Variants in PRKCQ observed in about 807,000 individuals in gnomAD.
The protein encoded by PRKCQ is protein kinase C theta.
PRKCQ carries 41 observed loss-of-function variants against 91.2 expected under a neutral mutation model. The ratio of observed to expected loss-of-function variants is 0.45; its 90% confidence interval spans 0.35 to 0.58. The LOEUF (loss-of-function observed/expected upper bound fraction) is 0.58, where lower values mean the gene tolerates loss of function less well. Among genes scored for constraint, PRKCQ ranks in the 20% least tolerant of loss-of-function variants. PRKCQ has a pLI of 0.00. For missense variants in PRKCQ, 673 were observed against 896.5 expected (o/e 0.75, Z 3.18); for synonymous variants, 307 against 316.9 (o/e 0.97, Z 0.33).
At chr10:6,434,085 C>T (rs956302194) in intron 16 of PRKCQ, among the ~76,000 whole-genome samples, 3 of 150,984 alleles carry the variant, frequency 2.0e-5, no homozygotes, top group Non-Finnish European at 4.4e-5. Context: ...CCCTATATCC[C>T]TTCTCCTGAA....
chr10:6,400,217 T>A, the PRKCQ span, among the ~76,000 whole-genome samples: 1 of 152,350 alleles, frequency 6.6e-6, no homozygotes, highest in South Asian at 2.1e-4. Flanking sequence ...CCTTCTTTCA[T>A]CTGTAGCCCC....
chr10:6,403,137 C>T, the PRKCQ span, among the ~76,000 whole-genome samples: 3 of 152,176 alleles, frequency 2.0e-5, no homozygotes, highest in Non-Finnish European at 2.9e-5. Flanking sequence ...GGCATAGCAC[C>T]GGGCACTGGC....
In PRKCQ at chr10:6,483,545, A is replaced by T. The variant is rs776094307; in HGVS notation, c.1074T>A (p.His358Gln). The change falls in exon 11 of 18, where the codon CAT becomes CAA. Residue 358 changes from histidine to glutamine, a missense_variant. Coordinates refer to ENST00000263125, the MANE Select transcript of PRKCQ (RefSeq NM_006257.5). ...SPLDEVDKMC[H>Q]LPEPELNKER... ...CTTTGTTCAGTTCAGGTTCTGGAAG[A>T]TGGCACATTTTATCCACCTCATCCA... is the stretch of plus-strand genomic sequence containing the variant. The T allele has an allele frequency of 1.7e-5, 28 of 1,614,120 alleles. No individual in the cohort carries two copies. In the East Asian group the frequency reaches 3.8e-4, roughly 22 times the overall value.
the PRKCQ span, among the ~76,000 whole-genome samples, chr10:6,403,498 C>T: frequency 9.9e-5 from 15 of 152,174 alleles, no homozygotes; most frequent in East Asian, 7.7e-4. Flanking sequence ...GTCCCTGAAC[C>T]GTGAGTTCCC....
At chr10:6,474,988 A>T (rs1836196227) in intron 12 of PRKCQ, among the ~76,000 whole-genome samples, 1 of 152,174 alleles carries the variant, frequency 6.6e-6, no homozygotes, top group Non-Finnish European at 1.5e-5. Flanking sequence ...AATGTTAGAA[A>T]AAAAGTAAAA....
chr10:6,548,757 TA>T (rs1255951130), intron 1 of PRKCQ, among the ~76,000 whole-genome samples: 1 of 134,562 alleles, frequency 7.4e-6, no homozygotes, highest in Admixed American at 7.4e-5. Context: ...GGGGGAGGGA[TA>T]GCTTTAGGAG....
intron 15 of PRKCQ, among the ~76,000 whole-genome samples, chr10:6,448,478 G>A (rs549330501): frequency 2.6e-5 from 4 of 151,834 alleles, no homozygotes; most frequent in Admixed American, 6.6e-5. Context: ...GCACGATCTC[G>A]GCTCACTGCA....
intron 8 of PRKCQ, among the ~76,000 whole-genome samples, chr10:6,487,733 C>T (rs1017205326): frequency 2.6e-5 from 4 of 152,092 alleles, no homozygotes; most frequent in African/African-American, 9.7e-5. Flanking sequence ...CGTGGTGGCT[C>T]ACACCTGTAA....
chr10:6,538,707 C>A (rs1839672445), intron 1 of PRKCQ, among the ~76,000 whole-genome samples: 3 of 152,220 alleles, frequency 2.0e-5, no homozygotes, highest in Admixed American at 2.0e-4. Context: ...TGGAATAAGA[C>A]TGATTTTCCT....
chr10:6,557,248 G>C (rs146803020), intron 1 of PRKCQ, among the ~76,000 whole-genome samples: 1 of 152,102 alleles, frequency 6.6e-6, no homozygotes, highest in African/African-American at 2.4e-5. Context: ...AGCACTCTGT[G>C]GATCTATCTT....
At chr10:6,394,420 AG>A in the PRKCQ span, among the ~76,000 whole-genome samples, 1 of 152,224 alleles carries the variant, frequency 6.6e-6, no homozygotes, top group African/African-American at 2.4e-5. Flanking sequence ...CTGGAGTAGA[AG>A]GGGGAAGAAT....
At chr10:6,395,984 T>A in the PRKCQ span, among the ~76,000 whole-genome samples, 7 of 152,124 alleles carry the variant, frequency 4.6e-5, no homozygotes, top group Admixed American at 2.6e-4. Context: ...CAGGAAGACT[T>A]AATGGAATCC....
At chr10:6,467,423 G>A (rs576125834) in intron 12 of PRKCQ, among the ~76,000 whole-genome samples, 2 of 122,838 alleles carry the variant, frequency 1.6e-5, no homozygotes, top group African/African-American at 5.6e-5. Flanking sequence ...GAGAGAGAGA[G>A]AGAGAGAGAT....
At chr10:6,515,637 G>A (rs1450888799) in intron 1 of PRKCQ, 6 of 454,062 alleles carry the variant, frequency 1.3e-5, no homozygotes, top group African/African-American at 2.1e-5. Flanking sequence ...AAGGCATTCG[G>A]CAGCTGATCC....
At chr10:6,461,501 A>T (rs1360432199) in intron 14 of PRKCQ, among the ~76,000 whole-genome samples, 1 of 152,260 alleles carries the variant, frequency 6.6e-6, no homozygotes, top group Non-Finnish European at 1.5e-5. Flanking sequence ...ACCAAAAAAA[A>T]TTACATTCAA....
chr10:6,432,744 A>C (rs1412166381), intron 16 of PRKCQ, among the ~76,000 whole-genome samples: 1 of 152,088 alleles, frequency 6.6e-6, no homozygotes, highest in Non-Finnish European at 1.5e-5. Flanking sequence ...GGCTCTCTGG[A>C]GTCTGACGCT....
intron 4 of PRKCQ, among the ~76,000 whole-genome samples, chr10:6,505,361 T>C (rs550685447): frequency 4.6e-5 from 7 of 152,294 alleles, no homozygotes; most frequent in South Asian, 2.1e-4. Context: ...CTTAAAATCA[T>C]TTACCAAAAA....
chr10:6,497,079 T>C lies in PRKCQ; in HGVS notation c.616A>G (p.Ile206Val). The C allele has an allele frequency of 1.9e-6, 3 of 1,613,716 alleles. No individual in the cohort carries two copies. The highest frequency in any genetic ancestry group is 2.5e-6 in the Non-Finnish European group (3 of 1,180,028). Reference protein sequence around the residue: ...AIHKKCIDKVIAKCTGSAINS... With the variant: ...AIHKKCIDKVVAKCTGSAINS... The stretch of plus-strand genomic sequence containing the variant: ...ATAGCTGATCCTGTGCACTTTGCTA[T>C]AACTTTATCAATACACTTCTTGTGA... Residue 206 changes from isoleucine to valine, a missense_variant, in exon 7 of 18, where the codon ATA (isoleucine) becomes GTA (valine). Coordinates refer to ENST00000263125, the MANE Select transcript of PRKCQ (RefSeq NM_006257.5). The surrounding 1 kb of genome is among the most constrained non-coding windows in gnomAD (Gnocchi z 4.5).
At chr10:6,458,299 C>G (rs985913310) in intron 14 of PRKCQ, among the ~76,000 whole-genome samples, 2 of 152,172 alleles carry the variant, frequency 1.3e-5, no homozygotes, top group African/African-American at 4.8e-5. Flanking sequence ...GCCAGCCCCC[C>G]ATGGGGGTGA....
Sources: gnomAD v4.1 joint callset for allele counts (sites outside exome capture counted in the v4.1 genomes callset) on GRCh38, gnomAD v4.1.1 for gene constraint, Gnocchi (gnomAD v3.1) non-coding constraint, MANE v1.5 for transcripts, NCBI Gene and HGNC (gene_info 2026-07-23, HGNC 2026-07-21) for gene names.